LYN: variants seen among roughly 807,000 people sequenced by gnomAD.
The protein encoded by LYN is tyrosine-protein kinase Lyn.
Under a neutral mutation model 65.0 loss-of-function variants are expected in LYN, and 12 were observed. The observed-to-expected ratio is 0.18, with a 90% CI of 0.12 to 0.30. LYN has a LOEUF of 0.30. LYN is among the 10% of genes least tolerant of loss of function. The probability of loss-of-function intolerance (pLI) is 1.00; values close to 1 mark genes in which losing one functional copy is unlikely to be tolerated. For synonymous variants in LYN, 222 were observed against 221.2 expected, an observed-to-expected ratio of 1.00 and a Z score of -0.03; for missense variants, 380 against 623.2, an observed-to-expected ratio of 0.61 and a Z score of 4.16.
Position 55,982,070 on chromosome 8 carries a change from A to C in LYN, c.1050+12277A>C, listed in dbSNP as rs78457120. 2.9e-3 allele frequency among the ~76,000 whole-genome samples: 436 copies of C among 152,196 alleles called. 22 individuals are homozygous for C. The East Asian group carries it at 0.074, about 26-fold the overall frequency. On this transcript the variant is annotated intron_variant, in intron 10 of 12. Transcript: ENST00000519728. ...GAGCCCTTTCTCAGCACCTGTTGGC[A>C]GAGGTTGATGCTAGAGTTCCCAGGG...
intron 12 of LYN, among the ~76,000 whole-genome samples, chr8:56,001,294 C>T (rs899345822): frequency 1.8e-4 from 28 of 152,252 alleles, no homozygotes; most frequent in Non-Finnish European, 3.2e-4. Context: ...GATCTCTAGA[C>T]AGTCGATGGA....
At chr8:55,925,685 G>C (rs1806087920) in intron 1 of LYN, among the ~76,000 whole-genome samples, 1 of 152,174 alleles carries the variant, frequency 6.6e-6, no homozygotes, top group Admixed American at 6.5e-5. Flanking sequence ...GCATCAGAAT[G>C]GAACGGAAAC....
intron 10 of LYN, among the ~76,000 whole-genome samples, chr8:55,972,432 G>A (rs1043508371): frequency 6.6e-6 from 1 of 152,098 alleles, no homozygotes; most frequent in Non-Finnish European, 1.5e-5. Flanking sequence ...TTGAGAAAGG[G>A]GTCTTACCCT....
rs538018793 is a variant in LYN at position 55,969,711 on chromosome 8, C to T, written c.974-6C>T. 7 of 1,611,606 alleles carry T rather than the reference C, an allele frequency of 4.3e-6. No individual in the cohort carries two copies. The East Asian group carries it at 1.3e-4, about 31-fold the overall frequency. ...ATGCACTAACTTGTTCTTTCTTTCT[C>T]CATAGGCAGTTTGCTGGATTTCCTG... is the stretch of plus-strand genomic sequence containing the variant. On this transcript the variant is annotated splice_region_variant and splice_polypyrimidine_tract_variant and intron_variant, in intron 9 of 12. Coordinates refer to ENST00000519728, the MANE Select transcript of LYN (RefSeq NM_002350.4).
chr8:55,897,047 C>CATTTAAATGATGAGGAA (rs1453173000), intron 1 of LYN, among the ~76,000 whole-genome samples: 2 of 152,138 alleles, frequency 1.3e-5, no homozygotes, highest in Non-Finnish European at 2.9e-5. Flanking sequence ...GCCTAAACTT[C>CATTTAAATGATGAGGAA]ATTTAAATGA....
chr8:55,896,519 A>G (rs1805106773), intron 1 of LYN, among the ~76,000 whole-genome samples: 2 of 151,988 alleles, frequency 1.3e-5, no homozygotes, highest in Non-Finnish European at 2.9e-5. Flanking sequence ...TGGGGGGCCT[A>G]AGGGAGAGAT....
chr8:55,953,761 T>C, intron 7 of LYN, 71 bp from the exon 8 acceptor site: 1 of 1,477,384 alleles, frequency 6.8e-7, no homozygotes, highest in East Asian at 2.3e-5. Context: ...AGTGTTCAAC[T>C]TTTCTTTATA....
chr8:55,916,583 G>A (rs1004512099), intron 1 of LYN, among the ~76,000 whole-genome samples: 1 of 151,776 alleles, frequency 6.6e-6, no homozygotes, highest in Non-Finnish European at 1.5e-5. Flanking sequence ...GTTTGACGAT[G>A]ATCCCTGAGT....
At chr8:55,884,161 G>A (rs182882125) in intron 1 of LYN, among the ~76,000 whole-genome samples, 108 of 152,284 alleles carry the variant, frequency 7.1e-4, no homozygotes, top group Non-Finnish European at 9.0e-4. Context: ...GTGCAGTGGT[G>A]CAATCTCAGC....
At chr8:55,924,207 T>C (rs1162559620) in intron 1 of LYN, among the ~76,000 whole-genome samples, 1 of 152,164 alleles carries the variant, frequency 6.6e-6, no homozygotes, top group African/African-American at 2.4e-5. Context: ...GATGTCATTG[T>C]GTTTCCCTTG....
At chr8:55,985,675 A>G (rs188094520) in intron 10 of LYN, among the ~76,000 whole-genome samples, 5 of 152,296 alleles carry the variant, frequency 3.3e-5, no homozygotes, top group African/African-American at 9.6e-5. Flanking sequence ...GCTATCTGAC[A>G]TGGTGTATAT....
intron 2 of LYN, among the ~76,000 whole-genome samples, chr8:55,942,441 GTGTA>G: frequency 6.9e-6 from 1 of 145,442 alleles, no homozygotes; most frequent in African/African-American, 2.6e-5. Flanking sequence ...ATGTGTGTGT[GTGTA>G]TATATATATA....
At chr8:55,907,578 C>T (rs188897440) in intron 1 of LYN, among the ~76,000 whole-genome samples, 22 of 152,112 alleles carry the variant, frequency 1.4e-4, no homozygotes, top group African/African-American at 4.8e-4. Flanking sequence ...GGTGGAAAAT[C>T]AAACTTAGTT....
intron 10 of LYN, among the ~76,000 whole-genome samples, chr8:55,986,617 G>A (rs1259014560): frequency 6.6e-6 from 1 of 152,186 alleles, no homozygotes; most frequent in Non-Finnish European, 1.5e-5. Flanking sequence ...ATTTTGAGCA[G>A]TCACAGAAAT....
intron 1 of LYN, among the ~76,000 whole-genome samples, chr8:55,919,843 C>A (rs1221493724): frequency 1.3e-5 from 2 of 150,180 alleles, no homozygotes; most frequent in East Asian, 3.9e-4. Context: ...AATGGCTCTC[C>A]AGGCAAAGAC....
intron 2 of LYN, among the ~76,000 whole-genome samples, chr8:55,945,973 T>G (rs565879924): frequency 3.3e-5 from 5 of 152,334 alleles, no homozygotes; most frequent in Admixed American, 3.3e-4. Context: ...TTGCTTTCTA[T>G]GTGAAGACTC....
At chr8:55,905,699 G>A (rs969720388) in intron 1 of LYN, among the ~76,000 whole-genome samples, 33 of 152,258 alleles carry the variant, frequency 2.2e-4, no homozygotes, top group African/African-American at 7.9e-4. Flanking sequence ...TATGGGATGG[G>A]CAGGGGAGCA....
At chr8:55,920,435 G>A (rs918409294) in intron 1 of LYN, among the ~76,000 whole-genome samples, 1 of 152,172 alleles carries the variant, frequency 6.6e-6, no homozygotes, top group Non-Finnish European at 1.5e-5. Context: ...TTTGGAGGAC[G>A]GGGGCGGATA....
chr8:55,922,570 C>G (rs1282132522), intron 1 of LYN, among the ~76,000 whole-genome samples: 1 of 151,992 alleles, frequency 6.6e-6, no homozygotes, highest in Non-Finnish European at 1.5e-5. Flanking sequence ...GAGTTCAAGA[C>G]CAGCCTGGCC....
Sources: gnomAD v4.1 joint callset for allele counts (sites outside exome capture counted in the v4.1 genomes callset) on GRCh38, gnomAD v4.1.1 for gene constraint, MANE v1.5 for transcripts, NCBI Gene and HGNC (gene_info 2026-07-23, HGNC 2026-07-21) for gene names.